The following MAD1L1 variants were observed in gnomAD, a reference collection of about 807,000 sequenced individuals.
MAD1L1 encodes mitotic arrest deficient 1 like 1.
MAD1L1 carries 95 observed loss-of-function variants against 96.9 expected under a neutral mutation model. The observed-to-expected ratio is 0.98, with a 90% CI of 0.83 to 1.16. The LOEUF (loss-of-function observed/expected upper bound fraction) is 1.16, where lower values mean the gene tolerates loss of function less well. Ranked by LOEUF, MAD1L1 falls within the 50% of genes most tolerant of loss-of-function variation. The probability of loss-of-function intolerance (pLI) is 0.00; values close to 1 mark genes in which losing one functional copy is unlikely to be tolerated. For synonymous variants in MAD1L1, 473 were observed against 396.6 expected (o/e 1.19, Z -2.29); for missense variants, 1,007 against 954.4 (o/e 1.06, Z -0.73).
intron 17 of MAD1L1, among the ~76,000 whole-genome samples, chr7:1,901,628 G>A (rs867880277): frequency 6.6e-6 from 1 of 152,210 alleles, no homozygotes; most frequent in Non-Finnish European, 1.5e-5. Flanking sequence ...CTGGGCCAGG[G>A]GTGCTCAGGG....
At chr7:1,895,225 G>T (rs1039778785) in intron 18 of MAD1L1, among the ~76,000 whole-genome samples, 7 of 152,244 alleles carry the variant, frequency 4.6e-5, no homozygotes, top group African/African-American at 7.2e-5. Flanking sequence ...TCACTGCTCA[G>T]AAATGAAACC....
At chr7:1,937,578 A>G (rs1245835501) in intron 16 of MAD1L1, among the ~76,000 whole-genome samples, 1 of 151,462 alleles carries the variant, frequency 6.6e-6, no homozygotes, top group Admixed American at 6.6e-5. Context: ...AGCAGGGGAC[A>G]GCCGCCCACA....
chr7:2,207,324 T>C (rs879818997), intron 10 of MAD1L1, among the ~76,000 whole-genome samples: 19 of 152,134 alleles, frequency 1.2e-4, no homozygotes, highest in African/African-American at 4.1e-4. Flanking sequence ...ACTAATGAGC[T>C]GAGTGCTGGT....
chr7:2,216,812 G>A (rs1029436876), intron 7 of MAD1L1, among the ~76,000 whole-genome samples: 4 of 152,108 alleles, frequency 2.6e-5, no homozygotes, highest in Non-Finnish European at 4.4e-5. Context: ...AAGTTCCTTC[G>A]CTAAACTGCC....
chr7:2,174,603 T>C (rs79928134), intron 10 of MAD1L1, among the ~76,000 whole-genome samples: 7,105 of 152,252 alleles, frequency 0.047, 580 homozygotes, highest in African/African-American at 0.16. Context: ...GTTTGATCTT[T>C]TTTTTCTTTC....
intron 12 of MAD1L1, among the ~76,000 whole-genome samples, chr7:2,047,218 T>C (rs1438216528): frequency 6.6e-6 from 1 of 152,070 alleles, no homozygotes; most frequent in Non-Finnish European, 1.5e-5. Flanking sequence ...ATGAGAACTG[T>C]GGAAAGGGAC....
At chr7:2,139,022 C>G (rs1207239629) in intron 11 of MAD1L1, among the ~76,000 whole-genome samples, 2 of 152,162 alleles carry the variant, frequency 1.3e-5, no homozygotes, top group Non-Finnish European at 2.9e-5. Context: ...GCCCAAGGTC[C>G]CAGCAGGACA....
At chr7:2,223,953 T>C (rs1156328419) in intron 4 of MAD1L1, among the ~76,000 whole-genome samples, 1 of 152,136 alleles carries the variant, frequency 6.6e-6, no homozygotes, top group Non-Finnish European at 1.5e-5. Context: ...GGAAGGACAG[T>C]CCTGTTAGAA....
chr7:2,111,785 A>G (rs1166908046), intron 11 of MAD1L1, among the ~76,000 whole-genome samples: 5 of 152,206 alleles, frequency 3.3e-5, no homozygotes, highest in African/African-American at 1.2e-4. Flanking sequence ...TGCGGAGTGG[A>G]CCTGCACACA....
At chr7:2,071,713 T>C (rs563074404) in intron 11 of MAD1L1, among the ~76,000 whole-genome samples, 1 of 152,166 alleles carries the variant, frequency 6.6e-6, no homozygotes, top group East Asian at 2.0e-4. Context: ...AAGGCCTCCA[T>C]CAAAACCCAA....
intron 11 of MAD1L1, 101 bp from the exon 12 acceptor site, chr7:2,069,439 A>G (rs1210694121): frequency 8.4e-7 from 1 of 1,185,176 alleles, no homozygotes; most frequent in South Asian, 1.7e-5. Context: ...ACATCCTAAA[A>G]TAGAGCTGCA....
chr7:2,084,611 G>A (rs140765649), intron 11 of MAD1L1, among the ~76,000 whole-genome samples: 74 of 152,284 alleles, frequency 4.9e-4, no homozygotes, highest in African/African-American at 1.7e-3. Context: ...CCACGGTGGC[G>A]GCCACTGCAG....
chr7:1,868,457 C>T (rs898532305), intron 18 of MAD1L1, among the ~76,000 whole-genome samples: 8 of 150,894 alleles, frequency 5.3e-5, no homozygotes, highest in Non-Finnish European at 1.2e-4. Context: ...CCATGTCTGT[C>T]CTCCCCAGCG....
chr7:2,142,153 G>GA lies in MAD1L1; in HGVS notation c.1073+6998dup. ...ACCCGCTCACTGGGGCTATCCTACA[G>GA]ACAGACAACTGACTCACGAGAGAGA... On this transcript the variant is annotated intron_variant, in intron 11 of 18. Coordinates refer to ENST00000265854, the MANE Select transcript of MAD1L1 (RefSeq NM_001013836.2). This position sits in a 1 kb window ranked among gnomAD's most constrained non-coding sequence, Gnocchi z 4.7. 6.6e-6 allele frequency among the ~76,000 whole-genome samples: 1 copy of GA among 152,198 alleles called. No individual in the cohort carries two copies. The highest frequency in any genetic ancestry group is 1.9e-4 in the East Asian group (1 of 5,198).
intron 18 of MAD1L1, among the ~76,000 whole-genome samples, chr7:1,844,947 G>T (rs1432728796): frequency 6.6e-6 from 1 of 152,240 alleles, no homozygotes; most frequent in Non-Finnish European, 1.5e-5. Context: ...CACAGCCAGG[G>T]TCACTGTCCC....
At chr7:2,115,233 C>T (rs1275105607) in intron 11 of MAD1L1, among the ~76,000 whole-genome samples, 6 of 150,504 alleles carry the variant, frequency 4.0e-5, no homozygotes, top group Non-Finnish European at 7.4e-5. Flanking sequence ...TCAGAGGAGG[C>T]GCTGGACAGG....
intron 15 of MAD1L1, among the ~76,000 whole-genome samples, chr7:1,974,852 G>A (rs1216854951): frequency 6.6e-6 from 1 of 152,248 alleles, no homozygotes; most frequent in Non-Finnish European, 1.5e-5. Flanking sequence ...GAGGATGCTG[G>A]GGACCAGGGG....
At chr7:2,209,660 A>G (rs1214568056) in intron 10 of MAD1L1, among the ~76,000 whole-genome samples, 1 of 152,198 alleles carries the variant, frequency 6.6e-6, no homozygotes, top group Non-Finnish European at 1.5e-5. Context: ...GGCACCACCT[A>G]GTGGCAGCAG....
chr7:1,965,845 G>A (rs1780143972), intron 15 of MAD1L1, among the ~76,000 whole-genome samples: 2 of 152,274 alleles, frequency 1.3e-5, no homozygotes, highest in African/African-American at 2.4e-5. Context: ...TGCAACAGAC[G>A]GTGCGAAGAG....
Sources: gnomAD v4.1 joint callset for allele counts (sites outside exome capture counted in the v4.1 genomes callset) on GRCh38, gnomAD v4.1.1 for gene constraint, Gnocchi (gnomAD v3.1) non-coding constraint, MANE v1.5 for transcripts, NCBI Gene and HGNC (gene_info 2026-07-23, HGNC 2026-07-21) for gene names.